FGF14: variants seen among roughly 807,000 people sequenced by gnomAD.
FGF14 encodes fibroblast growth factor 14.
In FGF14, 5 loss-of-function variants were observed where a neutral mutation model predicts 25.5. That is an observed-to-expected ratio of 0.20 (90% confidence interval 0.10 to 0.41). FGF14 has a LOEUF of 0.41. Ranked by LOEUF, FGF14 falls within the 10% of genes least tolerant of loss-of-function variation. The pLI is 1.00. For synonymous variants in FGF14, 138 were observed against 118.3 expected (o/e 1.17, Z -1.08); for missense variants, 222 against 320.1 (o/e 0.69, Z 2.34).
chr13:102,155,122 A>C (rs1171953263), intron 1 of FGF14, among the ~76,000 whole-genome samples: 7 of 152,214 alleles, frequency 4.6e-5, no homozygotes, highest in African/African-American at 1.4e-4. Context: ...AAAGTTAACA[A>C]GGATATCCAG....
chr13:101,958,703 C>A (rs1223575735), intron 1 of FGF14, among the ~76,000 whole-genome samples: 1 of 152,216 alleles, frequency 6.6e-6, no homozygotes, highest in Non-Finnish European at 1.5e-5. Context: ...CTCAGATATT[C>A]TCTTGTGTAT....
chr13:102,351,553 T>G (rs2057280949), intron 1 of FGF14, among the ~76,000 whole-genome samples: 1 of 152,242 alleles, frequency 6.6e-6, no homozygotes, highest in Non-Finnish European at 1.5e-5. Context: ...TGACAGTTGC[T>G]GTGGGTCAGA....
intron 3 of FGF14, among the ~76,000 whole-genome samples, chr13:101,801,630 G>T (rs186604099): frequency 6.6e-6 from 1 of 152,258 alleles, no homozygotes; most frequent in East Asian, 1.9e-4. Context: ...AGAAAGAAGT[G>T]GGAGCATCTG....
chr13:102,127,663 C>T (rs2046005364), intron 1 of FGF14, among the ~76,000 whole-genome samples: 1 of 152,064 alleles, frequency 6.6e-6, no homozygotes, highest in Non-Finnish European at 1.5e-5. Context: ...CTTTTTGTTA[C>T]AAGTGTTAAA....
intron 1 of FGF14, among the ~76,000 whole-genome samples, chr13:102,133,280 G>T (rs1235057903): frequency 6.6e-6 from 1 of 152,154 alleles, no homozygotes; most frequent in African/African-American, 2.4e-5. Context: ...AATCTGATCA[G>T]GTTGGAATAG....
At chr13:101,867,870 G>A (rs2140441996) in intron 3 of FGF14, among the ~76,000 whole-genome samples, 1 of 145,704 alleles carries the variant, frequency 6.9e-6, no homozygotes, top group African/African-American at 2.5e-5. Flanking sequence ...GAGGCCCCCT[G>A]GAGAATGTTT....
At chr13:102,284,312 C>CTA (rs1198014508) in intron 1 of FGF14, among the ~76,000 whole-genome samples, 6 of 152,158 alleles carry the variant, frequency 3.9e-5, no homozygotes, top group Non-Finnish European at 7.4e-5. Flanking sequence ...ATGAAGGACT[C>CTA]TATGAAGTCC....
chr13:102,389,366 C>T, intron 1 of FGF14, among the ~76,000 whole-genome samples: 1 of 152,122 alleles, frequency 6.6e-6, no homozygotes, highest in Non-Finnish European at 1.5e-5. Flanking sequence ...AAGATAATTT[C>T]CAAATAACAG....
chr13:101,855,832 G>T (rs2044098351), intron 3 of FGF14, among the ~76,000 whole-genome samples: 1 of 151,030 alleles, frequency 6.6e-6, no homozygotes, highest in African/African-American at 2.4e-5. Flanking sequence ...TCTTTTTATG[G>T]TTGTTGTTGT....
chr13:101,950,097 T>C (rs1008220797), intron 1 of FGF14, among the ~76,000 whole-genome samples: 2 of 152,096 alleles, frequency 1.3e-5, no homozygotes, highest in African/African-American at 4.8e-5. Flanking sequence ...CAAGAGATGC[T>C]CAGAGCTATG....
intron 1 of FGF14, among the ~76,000 whole-genome samples, chr13:102,095,729 A>C (rs914568552): frequency 1.3e-5 from 2 of 152,086 alleles, no homozygotes; most frequent in Admixed American, 1.3e-4. Flanking sequence ...TATGTTTTCT[A>C]TTCTTATAAT....
intron 1 of FGF14, among the ~76,000 whole-genome samples, chr13:101,964,974 G>C (rs545946947): frequency 4.6e-5 from 7 of 152,198 alleles, no homozygotes; most frequent in South Asian, 2.1e-4. Flanking sequence ...AGGCATAGTG[G>C]GTCATGCCTG....
chr13:102,002,206 T>A (rs1206813812), intron 1 of FGF14: 1 of 151,876 alleles, frequency 6.6e-6, no homozygotes, highest in African/African-American at 2.4e-5. Flanking sequence ...ACTTTAAAAG[T>A]GTAGTTAAAA....
chr13:101,802,369 C>T (rs371921431), intron 3 of FGF14: 1 of 200,642 alleles, frequency 5.0e-6, no homozygotes, highest in Non-Finnish European at 1.0e-5. Flanking sequence ...AAGCACCCCA[C>T]TAAAGTTGCC....
intron 1 of FGF14, among the ~76,000 whole-genome samples, chr13:101,922,733 C>A (rs1033966848): frequency 7.8e-4 from 118 of 151,694 alleles, no homozygotes; most frequent in African/African-American, 2.5e-3. Context: ...CTATTGCATT[C>A]TGAGTTCCAT....
rs2041732245 is a variant in FGF14, at chr13:102,041,442, A to G, written c.209-166146T>C. ...TTTATTCCTATTGCTATTTGTGATA[A>G]GATTTTTCAAAATGGTGAACTTTTG... is the stretch of plus-strand genomic sequence containing the variant. On this transcript the variant is annotated intron_variant, in intron 1 of 4. Transcript: ENST00000376131. 1.3e-5 allele frequency among the ~76,000 whole-genome samples: 2 copies of G among 151,998 alleles called. 1 individual carries two copies. The highest frequency in any genetic ancestry group is 4.1e-4 in the South Asian group (2 of 4,828).
chr13:102,377,411 A>G (rs1284190175), intron 1 of FGF14, among the ~76,000 whole-genome samples: 2 of 152,230 alleles, frequency 1.3e-5, no homozygotes, highest in African/African-American at 2.4e-5. Context: ...AGTGAAATAC[A>G]TACATTATAA....
At chr13:102,046,281 G>A (rs1385534799) in intron 1 of FGF14, among the ~76,000 whole-genome samples, 2 of 152,092 alleles carry the variant, frequency 1.3e-5, no homozygotes, top group African/African-American at 4.8e-5. Context: ...AACACAGATA[G>A]ATTGTAGTTA....
rs141205268 is a variant in FGF14 at position 101,932,572 on chromosome 13, A to G, written c.209-57276T>C. On this transcript the variant is annotated intron_variant, in intron 1 of 4. Transcript: ENST00000376131. Reference sequence around the variant, plus strand: ...AAGGAAAAAAGAAATTACAAAACATAAAACTCGATAATAAAATTACAGATT... The same window carrying G: ...AAGGAAAAAAGAAATTACAAAACATGAAACTCGATAATAAAATTACAGATT... 6.4e-3 allele frequency among the ~76,000 whole-genome samples: 963 copies of G among 151,652 alleles called. 9 individuals carry two copies. Among genetic ancestry groups the G allele is most frequent in the African/African-American group, 0.022 (894 of 41,290 alleles).
Sources: allele counts gnomAD v4.1 joint callset (sites outside exome capture counted in the v4.1 genomes callset), GRCh38; gene constraint gnomAD v4.1.1; transcripts MANE v1.5; gene names NCBI Gene and HGNC (gene_info 2026-07-23, HGNC 2026-07-21).